Variants in FRY observed in about 807,000 individuals in gnomAD.
FRY encodes the protein FRY microtubule binding protein.
Under a neutral mutation model 348.4 loss-of-function variants are expected in FRY, and 128 were observed. That is an observed-to-expected ratio of 0.37 (90% CI 0.32 to 0.43). The LOEUF (loss-of-function observed/expected upper bound fraction) is 0.43. Ranked by LOEUF, FRY falls within the 20% of genes least tolerant of loss-of-function variation. The probability of loss-of-function intolerance (pLI) is 1.00; values close to 1 mark genes in which losing one functional copy is unlikely to be tolerated. For missense variants in FRY, 2,736 were observed against 3,695.2 expected (o/e 0.74, Z 6.73); for synonymous variants, 1,370 against 1,374.7 (o/e 1.00, Z 0.08).
chr13:32,075,973 A>G (rs1411230216), intron 1 of FRY, among the ~76,000 whole-genome samples: 4 of 152,222 alleles, frequency 2.6e-5, no homozygotes, highest in South Asian at 2.1e-4. Context: ...TCAATATCAC[A>G]TTTGTATTCA....
chr13:32,261,494 CG>C (rs1566176891), intron 51 of FRY, 121 bp from the exon 52 acceptor site: 1 of 886,480 alleles, frequency 1.1e-6, no homozygotes, highest in Non-Finnish European at 1.9e-6. Context: ...ATACCAAAGT[CG>C]ATGAGGGCCT....
At chr13:32,151,813 A>G (rs993120225) in intron 14 of FRY, among the ~76,000 whole-genome samples, 2 of 152,216 alleles carry the variant, frequency 1.3e-5, no homozygotes, top group Non-Finnish European at 2.9e-5. Flanking sequence ...TAGCGGCAAG[A>G]AGAAGAAATA....
At position 32,084,057 on chromosome 13, in the gene FRY, A is replaced by T. The variant is rs1212826814; in HGVS notation, c.270+5024A>T. ...TTTAAAAACAAAAATGTTATATTTC[A>T]TTCAATATTTCCAAGCACTTACTCC... On this transcript the variant is annotated intron_variant, in intron 2 of 60. Transcript: ENST00000542859. Among the ~76,000 whole-genome samples, 5 of 151,850 alleles carry T rather than the reference A, an allele frequency of 3.3e-5. No individual in the cohort carries two copies. The South Asian group carries it at 1.0e-3, about 32-fold the overall frequency.
intron 1 of FRY, among the ~76,000 whole-genome samples, chr13:32,078,535 A>C (rs1431386988): frequency 6.6e-6 from 1 of 152,242 alleles, no homozygotes; most frequent in Non-Finnish European, 1.5e-5. Flanking sequence ...CAAAAAAATA[A>C]GCCAAAAACA....
intron 2 of FRY, among the ~76,000 whole-genome samples, chr13:32,080,119 A>G (rs1446281847): frequency 6.6e-6 from 1 of 152,216 alleles, no homozygotes; most frequent in Non-Finnish European, 1.5e-5. Context: ...TTTTTATTGT[A>G]TCAGTGGATG....
chr13:32,202,539 T>C lies in FRY; in HGVS notation c.4018+12T>C. ...CCCCCTCTTCTCAGGTACCAGGCAA[T>C]AGTCAATAATGACATATGTGATCAT... On this transcript the variant is annotated intron_variant, in intron 31 of 60. Coordinates refer to ENST00000542859, the MANE Select transcript of FRY (RefSeq NM_023037.3). 1 of 1,595,236 alleles carries C rather than the reference T, an allele frequency of 6.3e-7. No homozygotes were observed. The highest frequency in any genetic ancestry group is 1.3e-5 in the African/African-American group (1 of 74,628).
At chr13:32,236,207 TATACTG>T in intron 43 of FRY, 35 bp downstream of exon 43, 1 of 1,388,568 alleles carries the variant, frequency 7.2e-7, no homozygotes. Flanking sequence ...TGACATCAAG[TATACTG>T]CACAGGAGTA....
Position 32,249,549 on chromosome 13 carries a change from T to C in FRY, c.7032T>C (p.Tyr2344=). 6.2e-7 allele frequency: 1 copy of C among 1,614,190 alleles called. No homozygotes were observed. The highest frequency in any genetic ancestry group is 1.1e-5 in the South Asian group (1 of 91,078). The change falls in exon 49 of 61, where the codon TAT becomes TAC. Residue 2344 remains tyrosine (Y), a synonymous_variant. Coordinates refer to ENST00000542859, the MANE Select transcript of FRY (RefSeq NM_023037.3). ...AGACTCCAATCATCGGGAGGCGGTA[T>C]GATGAGCTGCAGAATTCTTCTGGGC... ...ISETPIIGRR[Y]DELQNSSGRD...
intron 11 of FRY, among the ~76,000 whole-genome samples, chr13:32,145,534 T>TTTTTG (rs1566095553): frequency 3.0e-5 from 4 of 131,900 alleles, no homozygotes; most frequent in African/African-American, 5.7e-5. Flanking sequence ...TTGTTTTTTT[T>TTTTTG]TTTTTTTTTT....
At chr13:32,083,347 A>T (rs1875623722) in intron 2 of FRY, among the ~76,000 whole-genome samples, 1 of 152,160 alleles carries the variant, frequency 6.6e-6, no homozygotes, top group Non-Finnish European at 1.5e-5. Flanking sequence ...TTTTAAGATT[A>T]CAACTTTGCT....
At chr13:32,215,151 GC>G (rs543919186) in intron 35 of FRY, among the ~76,000 whole-genome samples, 32 of 152,100 alleles carry the variant, frequency 2.1e-4, no homozygotes, top group African/African-American at 7.5e-4. Flanking sequence ...TAACCTTGAG[GC>G]CCCAGTAGCC....
chr13:32,038,692 C>G (rs1872639602), intron 1 of FRY: 1 of 152,176 alleles, frequency 6.6e-6, no homozygotes, highest in African/African-American at 2.4e-5. Flanking sequence ...GTTGCATCTT[C>G]TAGGCTTGGA....
intron 29 of FRY, among the ~76,000 whole-genome samples, chr13:32,196,091 C>A (rs565400650): frequency 6.6e-6 from 1 of 152,312 alleles, no homozygotes; most frequent in South Asian, 2.1e-4. Flanking sequence ...ATATTTTCAG[C>A]TCTTGCTTGA....
At chr13:32,047,442 C>A (rs868353453) in intron 1 of FRY, among the ~76,000 whole-genome samples, 1 of 152,196 alleles carries the variant, frequency 6.6e-6, no homozygotes, top group African/African-American at 2.4e-5. Flanking sequence ...CTAAAGATAT[C>A]CAAGATAGAA....
chr13:32,032,623 T>C (rs2138330930), intron 1 of FRY, among the ~76,000 whole-genome samples: 1 of 152,310 alleles, frequency 6.6e-6, no homozygotes, highest in East Asian at 1.9e-4. Flanking sequence ...CAATACGCTA[T>C]TTCAAAAAGA....
intron 11 of FRY, among the ~76,000 whole-genome samples, chr13:32,144,676 T>A (rs142745844): frequency 5.9e-5 from 9 of 152,220 alleles, no homozygotes; most frequent in South Asian, 2.1e-4. Flanking sequence ...GACAGACAAG[T>A]AACATAAAGG....
At position 32,179,038 on chromosome 13, in the gene FRY, C is replaced by T; in HGVS notation, c.2871+5C>T. 1 of 1,607,644 alleles carries T rather than the reference C, an allele frequency of 6.2e-7. No homozygotes were observed. Among genetic ancestry groups the T allele is most frequent in the Non-Finnish European group, 8.5e-7 (1 of 1,174,216 alleles). ...ACAGTGAGCTACGATAACAAGGTGA[C>T]ATGACATGCTTCAGAAGAATTATTC... On this transcript the variant is annotated splice_donor_5th_base_variant and intron_variant, in intron 22 of 60. Coordinates refer to ENST00000542859, the MANE Select transcript of FRY (RefSeq NM_023037.3).
intron 36 of FRY, among the ~76,000 whole-genome samples, chr13:32,219,192 C>T (rs183577008): frequency 7.3e-5 from 11 of 149,820 alleles, no homozygotes; most frequent in Non-Finnish European, 8.9e-5. Context: ...GGGTTCAAGT[C>T]ATGTTCCTGC....
At chr13:32,269,689 C>G (rs1258685214) in intron 55 of FRY, among the ~76,000 whole-genome samples, 1 of 26,876 alleles carries the variant, frequency 3.7e-5, no homozygotes, top group Non-Finnish European at 7.7e-5. Flanking sequence ...GAGACTCCAT[C>G]TCCATTTTAA....
Sources: gnomAD v4.1 joint callset for allele counts (sites outside exome capture counted in the v4.1 genomes callset) on GRCh38, gnomAD v4.1.1 for gene constraint, MANE v1.5 for transcripts, NCBI Gene and HGNC (gene_info 2026-07-23, HGNC 2026-07-21) for gene names.